TAOK3: variants seen among roughly 807,000 people sequenced by gnomAD.
TAOK3 encodes the protein TAO kinase 3, also known as serine/threonine-protein kinase TAO3.
TAOK3 carries 40 observed loss-of-function variants against 120.4 expected under a neutral mutation model. The ratio of observed to expected loss-of-function variants is 0.33; its 90% CI spans 0.26 to 0.43. TAOK3 has a LOEUF of 0.43. TAOK3 is among the 20% of genes least tolerant of loss of function. The probability of loss-of-function intolerance (pLI) is 1.00; values close to 1 mark genes in which losing one functional copy is unlikely to be tolerated. For missense variants in TAOK3, 821 were observed against 1,112.1 expected (o/e 0.74, Z 3.72); for synonymous variants, 355 against 387.5 (o/e 0.92, Z 0.99).
intron 1 of TAOK3, among the ~76,000 whole-genome samples, chr12:118,278,968 A>G (rs1424566857): frequency 6.6e-6 from 1 of 151,616 alleles, no homozygotes; most frequent in Non-Finnish European, 1.5e-5. Context: ...CACCACACTC[A>G]GCTATTTTTT....
intron 13 of TAOK3, among the ~76,000 whole-genome samples, chr12:118,197,567 A>G (rs1285971525): frequency 6.6e-6 from 1 of 152,032 alleles, no homozygotes; most frequent in African/African-American, 2.4e-5. Context: ...ATCCAACTGA[A>G]TTCCTCTCTT....
intron 1 of TAOK3, 143 bp from the exon 2 acceptor site, chr12:118,266,902 A>G: frequency 2.8e-6 from 1 of 360,272 alleles, no homozygotes; most frequent in East Asian, 4.0e-5. Context: ...TGGCAAAGTT[A>G]AAAGGTAAGA....
intron 1 of TAOK3, among the ~76,000 whole-genome samples, chr12:118,315,040 C>G (rs2043401628): frequency 6.6e-6 from 1 of 152,064 alleles, no homozygotes; most frequent in African/African-American, 2.4e-5. Flanking sequence ...AAGCAATTCT[C>G]CTGTCTCAGC....
chr12:118,216,928 CAAAAAAA>C lies in TAOK3; in HGVS notation c.644-2825_644-2819del, dbSNP rs11298822. On this transcript the variant is annotated intron_variant, in intron 9 of 20. Transcript: ENST00000392533. ...TGGGCGTCAGAGTGAGACTCCATCT[CAAAAAAA>C]AAAAAAAAAAAAGAAAAAGAAAAGG... Among the ~76,000 whole-genome samples, 126 of 89,912 alleles carry C rather than the reference CAAAAAAA, an allele frequency of 1.4e-3. 1 individual carries two copies. The highest frequency in any genetic ancestry group is 5.4e-3 in the African/African-American group (126 of 23,528). The allele number at this position is 89,912 out of a possible 152,430, so 59.0% of individuals were successfully genotyped here. A position where few individuals can be genotyped will look rare whatever the true frequency, so the allele number is the denominator to read the frequency against.
intron 14 of TAOK3, among the ~76,000 whole-genome samples, chr12:118,186,857 A>C (rs1449540363): frequency 6.6e-6 from 1 of 152,200 alleles, no homozygotes; most frequent in Non-Finnish European, 1.5e-5. Context: ...TGCATAATAC[A>C]AAAATCTCAG....
chr12:118,255,575 A>T lies in TAOK3; in HGVS notation c.-8T>A. On this transcript the variant is annotated 5_prime_UTR_variant, in exon 3 of 21. Transcript: ENST00000392533. ...CAGCACCCCTTTACGCATGATGGCC[A>T]GTAGAGCAGGCTCTGCTTTTTGATA... 1 of 1,602,022 alleles carries T rather than the reference A, an allele frequency of 6.2e-7. No individual in the cohort carries two copies. The highest frequency in any genetic ancestry group is 2.2e-5 in the East Asian group (1 of 44,568).
At chr12:118,183,302 GC>G (rs2036882866) in intron 14 of TAOK3, among the ~76,000 whole-genome samples, 1 of 152,180 alleles carries the variant, frequency 6.6e-6, no homozygotes, top group Admixed American at 6.5e-5. Flanking sequence ...ACAAGAGAGT[GC>G]TGTTCTGTAA....
chr12:118,264,718 T>C (rs1481703107), intron 2 of TAOK3, among the ~76,000 whole-genome samples: 1 of 152,194 alleles, frequency 6.6e-6, no homozygotes, highest in East Asian at 1.9e-4. Flanking sequence ...ATGTACACAT[T>C]ATTGTTGTAG....
chr12:118,269,350 A>G (rs1348720703), intron 1 of TAOK3, among the ~76,000 whole-genome samples: 1 of 143,610 alleles, frequency 7.0e-6, no homozygotes, highest in African/African-American at 2.6e-5. Context: ...CTAAATAGTT[A>G]CATAATTAAT....
intron 1 of TAOK3, among the ~76,000 whole-genome samples, chr12:118,269,149 C>CTCTCTTTCTTTCTTTCTTCTCTTTCT (rs1386645080): frequency 5.3e-5 from 8 of 151,638 alleles, no homozygotes; most frequent in African/African-American, 1.9e-4. Flanking sequence ...TCTTTCTTCT[C>CTCTCTTTCTTTCTTTCTTCTCTTTCT]TCTCTTTCTT....
chr12:118,318,157 A>ATTTTTTTT (rs2043548664), intron 1 of TAOK3, among the ~76,000 whole-genome samples: 1 of 149,456 alleles, frequency 6.7e-6, no homozygotes, highest in Non-Finnish European at 1.5e-5. Flanking sequence ...AAGCTATAAA[A>ATTTTTTTT]CTTTTTTTTT....
chr12:118,341,026 T>A (rs967732278), intron 1 of TAOK3, among the ~76,000 whole-genome samples: 2 of 151,364 alleles, frequency 1.3e-5, no homozygotes, highest in African/African-American at 4.8e-5. Flanking sequence ...AGTCTCACTC[T>A]GTTGCCCAGG....
At chr12:118,157,718 A>G (rs1464568521) in intron 19 of TAOK3, among the ~76,000 whole-genome samples, 1 of 152,230 alleles carries the variant, frequency 6.6e-6, no homozygotes, top group Non-Finnish European at 1.5e-5. Context: ...GACGTGATTC[A>G]TGACTGTCTT....
chr12:118,217,742 A>G (rs903370673), intron 9 of TAOK3, among the ~76,000 whole-genome samples: 3 of 144,120 alleles, frequency 2.1e-5, no homozygotes, highest in African/African-American at 7.6e-5. Context: ...ATATATAGAC[A>G]GTTAATTTTA....
At chr12:118,250,561 C>T (rs990405446) in intron 3 of TAOK3, among the ~76,000 whole-genome samples, 2 of 152,202 alleles carry the variant, frequency 1.3e-5, no homozygotes, top group East Asian at 1.9e-4. Flanking sequence ...ATTAGCAGTA[C>T]CAAGTTCTCA....
At chr12:118,250,329 TTC>T (rs766233299) in intron 3 of TAOK3, among the ~76,000 whole-genome samples, 27 of 152,206 alleles carry the variant, frequency 1.8e-4, no homozygotes, top group Non-Finnish European at 3.1e-4. Context: ...AGTTAATAAT[TTC>T]TGTTTTCTCT....
At chr12:118,256,687 C>G (rs2041002867) in intron 2 of TAOK3, among the ~76,000 whole-genome samples, 1 of 152,186 alleles carries the variant, frequency 6.6e-6, no homozygotes, top group South Asian at 2.1e-4. Flanking sequence ...TATATACACA[C>G]ACACATATAC....
At chr12:118,281,472 CTGAAA>C (rs2042098165) in intron 1 of TAOK3, among the ~76,000 whole-genome samples, 1 of 152,148 alleles carries the variant, frequency 6.6e-6, no homozygotes, top group Admixed American at 6.5e-5. Context: ...ACTAGTTATA[CTGAAA>C]TGAATTTATA....
At chr12:118,176,982 G>T (rs1054311295) in intron 16 of TAOK3, among the ~76,000 whole-genome samples, 19 of 152,074 alleles carry the variant, frequency 1.2e-4, no homozygotes, top group Non-Finnish European at 1.5e-4. Context: ...GGCCAGGCTG[G>T]TCTCCAACTC....
Sources: allele counts gnomAD v4.1 joint callset (sites outside exome capture counted in the v4.1 genomes callset), GRCh38; gene constraint gnomAD v4.1.1; transcripts MANE v1.5; gene names NCBI Gene and HGNC (gene_info 2026-07-23, HGNC 2026-07-21).